CDK14: variants seen among roughly 807,000 people sequenced by gnomAD.
CDK14 encodes the protein cyclin-dependent kinase 14.
Under a neutral mutation model 60.7 loss-of-function variants are expected in CDK14, and 34 were observed. That is an observed-to-expected ratio of 0.56 (90% CI 0.43 to 0.75). CDK14 has a LOEUF of 0.75. Ranked by LOEUF, CDK14 falls within the 30% of genes least tolerant of loss-of-function variation. The pLI is 0.00. For missense variants in CDK14, 482 were observed against 564.1 expected (o/e 0.85, Z 1.47); for synonymous variants, 197 against 203.7 (o/e 0.97, Z 0.28).
At chr7:90,659,024 G>T (rs1584775103) in intron 2 of CDK14, among the ~76,000 whole-genome samples, 2 of 152,136 alleles carry the variant, frequency 1.3e-5, no homozygotes, top group East Asian at 3.9e-4. Flanking sequence ...TAAATTCTGG[G>T]TTAAACATTT....
At chr7:90,705,293 G>A (rs1008731255) in intron 2 of CDK14, among the ~76,000 whole-genome samples, 2 of 149,524 alleles carry the variant, frequency 1.3e-5, no homozygotes, top group African/African-American at 4.9e-5. Context: ...CTTTTTCCTT[G>A]TTCTGTTAAA....
chr7:91,136,801 A>G lies in CDK14; in HGVS notation c.*28+18593A>G, dbSNP rs141755977. On this transcript the variant is annotated intron_variant, in intron 14 of 14. Transcript: ENST00000380050. ...ACTTTCTTAAAAAGACCCTATACAA[A>G]TGCAAAATAAAAGGTAATGAAAAAT... Among the ~76,000 whole-genome samples, 528 of 152,314 alleles carry G rather than the reference A, an allele frequency of 3.5e-3. 4 individuals carry two copies. The highest frequency in any genetic ancestry group is 0.012 in the African/African-American group (498 of 41,580).
intron 6 of CDK14, among the ~76,000 whole-genome samples, chr7:90,895,320 C>CCTCTTCTTTA (rs1792261146): frequency 1.5e-5 from 1 of 66,930 alleles, no homozygotes; most frequent in Non-Finnish European, 3.7e-5. Flanking sequence ...CCTCTTCTTT[C>CCTCTTCTTTA]CTCTCCTTTC....
chr7:90,749,922 A>G (rs1392050367), intron 4 of CDK14, among the ~76,000 whole-genome samples: 1 of 152,182 alleles, frequency 6.6e-6, no homozygotes, highest in African/African-American at 2.4e-5. Context: ...TGCCTAAGGC[A>G]ACAGAGAGCA....
At chr7:91,021,729 G>A (rs751413719) in intron 10 of CDK14, among the ~76,000 whole-genome samples, 16 of 152,138 alleles carry the variant, frequency 1.1e-4, no homozygotes, top group Non-Finnish European at 2.2e-4. Flanking sequence ...ACCTTGTCAA[G>A]GGATCCCTTT....
At chr7:90,834,233 C>A (rs549923981) in intron 5 of CDK14, among the ~76,000 whole-genome samples, 5 of 152,218 alleles carry the variant, frequency 3.3e-5, no homozygotes, top group Non-Finnish European at 7.3e-5. Context: ...ACAATTACTA[C>A]ATTTTCCTAC....
intron 14 of CDK14, among the ~76,000 whole-genome samples, chr7:91,162,077 A>G (rs1049099143): frequency 6.6e-6 from 1 of 152,196 alleles, no homozygotes; most frequent in African/African-American, 2.4e-5. Context: ...TTTAAAAACT[A>G]AGAAAGAGAG....
At chr7:90,841,760 A>G (rs59498655) in intron 5 of CDK14, among the ~76,000 whole-genome samples, 2,068 of 151,368 alleles carry the variant, frequency 0.014, 63 homozygotes, top group African/African-American at 0.048. Flanking sequence ...ACTTGAGGGT[A>G]CTTCTTATAT....
chr7:90,899,486 A>G, intron 7 of CDK14, 133 bp downstream of exon 7: 1 of 516,048 alleles, frequency 1.9e-6, no homozygotes, highest in Non-Finnish European at 3.3e-6. Flanking sequence ...TATTGAGGTG[A>G]ACCAGTCATT....
At chr7:90,946,333 A>G (rs1794097898) in intron 8 of CDK14, among the ~76,000 whole-genome samples, 1 of 152,212 alleles carries the variant, frequency 6.6e-6, no homozygotes, top group South Asian at 2.1e-4. Context: ...CAATTTCAAG[A>G]CAACCAAGAT....
intron 2 of CDK14, among the ~76,000 whole-genome samples, chr7:90,684,801 T>C (rs763622710): frequency 1.3e-5 from 2 of 152,122 alleles, no homozygotes; most frequent in Non-Finnish European, 2.9e-5. Context: ...ATCCATCCAT[T>C]CATTTATCCA....
rs147149957 is a variant in CDK14 at position 91,148,991 on chromosome 7, C to T, written c.*28+30783C>T. Among the ~76,000 whole-genome samples the T allele has an allele frequency of 3.4e-4, 52 of 152,206 alleles. No individual in the cohort carries two copies. In the East Asian group the frequency reaches 9.3e-3, roughly 27 times the overall value. On this transcript the variant is annotated intron_variant, in intron 14 of 14. Coordinates refer to ENST00000380050, the MANE Select transcript of CDK14 (RefSeq NM_001287135.2). ...GAGACCTAATGATTTTAGAGTACTT[C>T]GGATGGACCAGTAGTCCTGGCTTAC...
chr7:90,639,213 A>T (rs1374686411), intron 2 of CDK14, among the ~76,000 whole-genome samples: 1 of 151,932 alleles, frequency 6.6e-6, no homozygotes, highest in African/African-American at 2.4e-5. Flanking sequence ...TGCTCTGCTT[A>T]GAGTTTCCAG....
rs183750146 is a variant in CDK14 at position 90,937,472 on chromosome 7, G to A, written c.827-18225G>A. 3.6e-3 allele frequency among the ~76,000 whole-genome samples: 553 copies of A among 152,196 alleles called. 2 individuals carry two copies. Among genetic ancestry groups the A allele is most frequent in the Middle Eastern group, 0.014 (4 of 294 alleles). ...TTTCATCATCTCAGAAAGTATCCTGGTTTCCTATAGCAGTCAAGTAAACAT... is the reference window on the plus strand; with the variant it reads ...TTTCATCATCTCAGAAAGTATCCTGATTTCCTATAGCAGTCAAGTAAACAT... On this transcript the variant is annotated intron_variant, in intron 8 of 14. Transcript: ENST00000380050.
At chr7:90,808,628 A>C (rs1169540587) in intron 5 of CDK14, among the ~76,000 whole-genome samples, 1 of 152,178 alleles carries the variant, frequency 6.6e-6, no homozygotes, top group East Asian at 1.9e-4. Flanking sequence ...ATTAACCTTA[A>C]ATGTAAATGG....
chr7:91,184,621 G>T (rs192584253), intron 14 of CDK14, among the ~76,000 whole-genome samples: 1 of 152,268 alleles, frequency 6.6e-6, no homozygotes, highest in Admixed American at 6.5e-5. Flanking sequence ...CTAGAGAGTC[G>T]CTGAGAACAA....
intron 2 of CDK14, among the ~76,000 whole-genome samples, chr7:90,713,671 G>A (rs1172386273): frequency 1.3e-5 from 2 of 149,758 alleles, no homozygotes; most frequent in East Asian, 3.9e-4. Flanking sequence ...AGAGAATGGA[G>A]AGAAATGGAG....
chr7:91,049,135 G>A (rs1035334964), intron 11 of CDK14, among the ~76,000 whole-genome samples: 5 of 152,014 alleles, frequency 3.3e-5, no homozygotes, highest in Middle Eastern at 3.2e-3. Context: ...TCCCACCTCC[G>A]CCTCCCAAAG....
At chr7:90,883,062 A>C (rs957630879) in intron 6 of CDK14, among the ~76,000 whole-genome samples, 89 of 152,172 alleles carry the variant, frequency 5.8e-4, no homozygotes, top group African/African-American at 2.0e-3. Context: ...TGAATCCAAA[A>C]GCTAGCAGAA....
Sources: gnomAD v4.1 joint callset for allele counts (sites outside exome capture counted in the v4.1 genomes callset) on GRCh38, gnomAD v4.1.1 for gene constraint, MANE v1.5 for transcripts, NCBI Gene and HGNC (gene_info 2026-07-23, HGNC 2026-07-21) for gene names.